PPARGC1A: variants seen among roughly 807,000 people sequenced by gnomAD.
The protein encoded by PPARGC1A is PPARG coactivator 1 alpha.
In PPARGC1A, 25 loss-of-function variants were observed where a neutral mutation model predicts 88.7. That is an observed-to-expected ratio of 0.28 (90% CI 0.21 to 0.39). PPARGC1A has a LOEUF of 0.39. Ranked by LOEUF, PPARGC1A falls within the 10% of genes least tolerant of loss-of-function variation. PPARGC1A has a pLI of 1.00. For missense variants in PPARGC1A, 880 were observed against 968.7 expected (o/e 0.91, Z 1.22); for synonymous variants, 363 against 355.6 (o/e 1.02, Z -0.24).
the PPARGC1A span, among the ~76,000 whole-genome samples, chr4:24,372,108 C>T: frequency 2.6e-5 from 4 of 152,176 alleles, no homozygotes; most frequent in Admixed American, 2.6e-4. Context: ...TTTGTTCAAG[C>T]TCCAGCTCAT....
At chr4:23,885,541 C>G (rs1203016262) in intron 1 of PPARGC1A, among the ~76,000 whole-genome samples, 1 of 152,180 alleles carries the variant, frequency 6.6e-6, no homozygotes, top group African/African-American at 2.4e-5. Flanking sequence ...TTTGACTCTT[C>G]ATGACTTTCT....
At chr4:24,423,658 C>G in the PPARGC1A span, among the ~76,000 whole-genome samples, 1 of 152,170 alleles carries the variant, frequency 6.6e-6, no homozygotes, top group Non-Finnish European at 1.5e-5. Context: ...CTGCCTAATG[C>G]TACTGCTTTT....
At chr4:23,830,782 T>C (rs985958437) in intron 3 of PPARGC1A, among the ~76,000 whole-genome samples, 8 of 152,142 alleles carry the variant, frequency 5.3e-5, no homozygotes, top group African/African-American at 1.9e-4. Context: ...GTAAACTGTG[T>C]CTTAGAACTA....
the PPARGC1A span, among the ~76,000 whole-genome samples, chr4:24,388,143 G>GGA: frequency 1.6e-4 from 24 of 148,310 alleles, no homozygotes; most frequent in African/African-American, 5.6e-4. Context: ...AAATCTACAA[G>GGA]AAAAAAAAAA....
chr4:24,003,500 G>A, the PPARGC1A span, among the ~76,000 whole-genome samples: 1,226 of 152,302 alleles, frequency 8.0e-3, 17 homozygotes, highest in African/African-American at 0.028. Flanking sequence ...AAACACATCT[G>A]GAGTATTGCC....
the PPARGC1A span, among the ~76,000 whole-genome samples, chr4:23,917,210 T>C: frequency 6.6e-6 from 1 of 152,152 alleles, no homozygotes; most frequent in East Asian, 1.9e-4. Flanking sequence ...TAAACCCATG[T>C]TGAAGATACA....
At chr4:24,107,502 T>C in the PPARGC1A span, among the ~76,000 whole-genome samples, 5 of 152,334 alleles carry the variant, frequency 3.3e-5, no homozygotes, top group African/African-American at 1.2e-4. Flanking sequence ...CCTTACCAGG[T>C]CCAGATGAAA....
At chr4:24,022,031 G>T in the PPARGC1A span, among the ~76,000 whole-genome samples, 1 of 152,150 alleles carries the variant, frequency 6.6e-6, no homozygotes, top group African/African-American at 2.4e-5. Context: ...GGCGAGGAGT[G>T]GCCAGTGCTA....
At chr4:24,231,915 A>T in the PPARGC1A span, among the ~76,000 whole-genome samples, 1 of 152,220 alleles carries the variant, frequency 6.6e-6, no homozygotes, top group East Asian at 1.9e-4. Context: ...TCTAGCAAAG[A>T]AAATAGACTA....
At chr4:23,965,099 C>A in the PPARGC1A span, among the ~76,000 whole-genome samples, 2 of 152,126 alleles carry the variant, frequency 1.3e-5, no homozygotes, top group Non-Finnish European at 2.9e-5. Context: ...GATGGACCAT[C>A]CCCCGTATCT....
the PPARGC1A span, among the ~76,000 whole-genome samples, chr4:24,448,371 C>G: frequency 6.6e-6 from 1 of 152,240 alleles, no homozygotes; most frequent in East Asian, 1.9e-4. Flanking sequence ...GCCCTACCAT[C>G]CATCTCTGCT....
the PPARGC1A span, among the ~76,000 whole-genome samples, chr4:24,275,441 C>T: frequency 6.6e-6 from 1 of 152,038 alleles, no homozygotes. Context: ...TTTATTTATT[C>T]AAGCAAAATA....
chr4:24,070,326 G>A, the PPARGC1A span, among the ~76,000 whole-genome samples: 3 of 152,156 alleles, frequency 2.0e-5, no homozygotes, highest in Non-Finnish European at 4.4e-5. Context: ...AATGCAGAAT[G>A]CACTTCAGAA....
the PPARGC1A span, among the ~76,000 whole-genome samples, chr4:24,048,496 T>G: frequency 6.6e-6 from 1 of 152,190 alleles, no homozygotes; most frequent in African/African-American, 2.4e-5. Context: ...AAACACAGTT[T>G]ATGGCCCATT....
the PPARGC1A span, among the ~76,000 whole-genome samples, chr4:24,082,189 C>T: frequency 6.6e-6 from 1 of 152,212 alleles, no homozygotes; most frequent in Non-Finnish European, 1.5e-5. Flanking sequence ...ACTTTCAATC[C>T]AGGCACTGCC....
the PPARGC1A span, among the ~76,000 whole-genome samples, chr4:24,204,067 A>G: frequency 6.6e-6 from 1 of 152,202 alleles, no homozygotes; most frequent in Non-Finnish European, 1.5e-5. Flanking sequence ...TGAAAACGAA[A>G]TTTTAAAGGG....
the PPARGC1A span, among the ~76,000 whole-genome samples, chr4:24,202,178 G>C: frequency 6.6e-6 from 1 of 152,062 alleles, no homozygotes; most frequent in Non-Finnish European, 1.5e-5. Context: ...AAGGCTGGCC[G>C]ATATCATCAC....
At chr4:23,820,799 G>C (rs1722877880) in intron 7 of PPARGC1A, among the ~76,000 whole-genome samples, 2 of 152,034 alleles carry the variant, frequency 1.3e-5, no homozygotes, top group Non-Finnish European at 2.9e-5. Flanking sequence ...TATTCTGGAG[G>C]TCTTAGAATT....
the PPARGC1A span, among the ~76,000 whole-genome samples, chr4:24,426,778 G>A: frequency 6.6e-6 from 1 of 152,052 alleles, no homozygotes; most frequent in African/African-American, 2.4e-5. Flanking sequence ...TATCACACCA[G>A]GAATCTTATA....
Sources: gnomAD v4.1 joint callset for allele counts (sites outside exome capture counted in the v4.1 genomes callset) on GRCh38, gnomAD v4.1.1 for gene constraint, MANE v1.5 for transcripts, NCBI Gene and HGNC (gene_info 2026-07-23, HGNC 2026-07-21) for gene names.